RIPOR3: variants seen among roughly 807,000 people sequenced by gnomAD.
The protein encoded by RIPOR3 is RIPOR family member 3, also known as family with sequence similarity 65 member C.
A neutral mutation model predicts 114.3 loss-of-function variants in RIPOR3; 95 were observed. That is an observed-to-expected ratio of 0.83 (90% CI 0.70 to 0.99). RIPOR3 has a LOEUF of 0.99. Ranked by LOEUF, RIPOR3 falls within the 50% of genes least tolerant of loss-of-function variation. RIPOR3 has a pLI of 0.00. For missense variants in RIPOR3, 1,252 were observed against 1,266.9 expected, an observed-to-expected ratio of 0.99 and a Z score of 0.18; for synonymous variants, 575 against 543.8, an observed-to-expected ratio of 1.06 and a Z score of -0.80.
chr20:50,640,419 G>A (rs1426505532), intron 1 of RIPOR3, among the ~76,000 whole-genome samples: 4 of 148,120 alleles, frequency 2.7e-5, no homozygotes, highest in Non-Finnish European at 6.0e-5. Flanking sequence ...GAGAGACCGG[G>A]TGAAGGGCTG....
At chr20:50,677,459 C>T (rs2123578218) in intron 1 of RIPOR3, among the ~76,000 whole-genome samples, 1 of 150,006 alleles carries the variant, frequency 6.7e-6, no homozygotes, top group South Asian at 2.1e-4. Flanking sequence ...GCAACCTCCA[C>T]CTCCCGGGTT....
chr20:50,602,196 C>A lies in RIPOR3; in HGVS notation c.1535G>T (p.Gly512Val). The A allele has an allele frequency of 1.2e-6, 2 of 1,613,624 alleles. No homozygotes were observed. Among genetic ancestry groups the A allele is most frequent in the Non-Finnish European group, 1.7e-6 (2 of 1,179,908 alleles). Residue 512 changes from glycine to valine, a missense_variant, in exon 13 of 22, where the codon GGG (glycine) becomes GTG (valine). Physicochemically the swap from Gly to Val is moderately radical, Grantham distance 109 (BLOSUM62 -3). Transcript: ENST00000327979. This position sits in a 1 kb window ranked among gnomAD's most constrained non-coding sequence, Gnocchi z 4.3. ...AGGCCCCTCGAGGGCCACGCCAGGC[C>A]CGTCCTCTCTGTCCCCGGTTGCCCC... The part of the protein sequence containing the change: ...EEGATGDRED[G>V]PGVALEGPLQ...
At chr20:50,610,945 T>C in intron 5 of RIPOR3, 39 bp from the exon 6 acceptor site, 1 of 1,613,934 alleles carries the variant, frequency 6.2e-7, no homozygotes, top group East Asian at 2.2e-5. Flanking sequence ...CAAAGTTGCC[T>C]GGGCCACCCA....
intron 1 of RIPOR3, 63 bp from the exon 2 acceptor site, chr20:50,630,919 C>T: frequency 7.6e-7 from 1 of 1,321,952 alleles, no homozygotes; most frequent in Non-Finnish European, 1.1e-6. Context: ...GTCCGCAGGC[C>T]AGCCACCTTC....
intron 1 of RIPOR3, among the ~76,000 whole-genome samples, chr20:50,654,327 C>G (rs751542829): frequency 2.7e-5 from 4 of 150,942 alleles, no homozygotes; most frequent in Non-Finnish European, 5.9e-5. Flanking sequence ...CCATCATGCC[C>G]AACTAATTTT....
At chr20:50,635,817 G>A (rs1477100155) in intron 1 of RIPOR3, among the ~76,000 whole-genome samples, 1 of 152,236 alleles carries the variant, frequency 6.6e-6, no homozygotes, top group Admixed American at 6.5e-5. Flanking sequence ...CTGGCTTCGG[G>A]ACTCCGCTGT....
At chr20:50,601,682 C>T (rs779572420) in intron 13 of RIPOR3, among the ~76,000 whole-genome samples, 15 of 152,184 alleles carry the variant, frequency 9.9e-5, no homozygotes, top group Non-Finnish European at 1.8e-4. Context: ...AGGTTCAGTG[C>T]GGGGTGCGTG....
intron 4 of RIPOR3, among the ~76,000 whole-genome samples, chr20:50,613,142 C>G (rs1283153200): frequency 6.6e-6 from 1 of 151,894 alleles, no homozygotes; most frequent in Admixed American, 6.6e-5. Context: ...ACAATTAAAA[C>G]TCCATTTAAG....
At chr20:50,677,367 CTTTTT>C (rs34725648) in intron 1 of RIPOR3, among the ~76,000 whole-genome samples, 1 of 96,774 alleles carries the variant, frequency 1.0e-5, no homozygotes, top group African/African-American at 3.7e-5. Context: ...TCTTGTTTTA[CTTTTT>C]TTTTTTTTTT....
At chr20:50,614,368 C>T (rs116463846) in intron 4 of RIPOR3, among the ~76,000 whole-genome samples, 2,512 of 152,234 alleles carry the variant, frequency 0.017, 71 homozygotes, top group African/African-American at 0.058. Flanking sequence ...AAACTCATCT[C>T]CCCTCCTCGC....
Position 50,587,681 on chromosome 20 carries a change from C to T in RIPOR3, c.2752+121G>A, listed in dbSNP as rs141863568. 2.6e-5 allele frequency: 23 copies of T among 890,650 alleles called. 1 individual carries two copies. The highest frequency in any genetic ancestry group is 1.6e-4 in the East Asian group (6 of 38,162). 55.2% of individuals were successfully genotyped at this position (890,650 alleles called of 1,614,324 possible). A position where few individuals can be genotyped will look rare whatever the true frequency, so the allele number is the denominator to read the frequency against. ...GTCGGCTCTGTGCCAGGGCTGCTAA[C>T]GGTGCCCATCCCAGGTGCCCCAGAG... On this transcript the variant is annotated intron_variant, in intron 21 of 21. Transcript: ENST00000327979.
Position 50,616,058 on chromosome 20 carries a change from C to A in RIPOR3, c.292G>T (p.Ala98Ser), listed in dbSNP as rs1329478598. 1.2e-6 allele frequency: 2 copies of A among 1,612,026 alleles called. No individual in the cohort carries two copies. The highest frequency in any genetic ancestry group is 3.3e-5 in the Admixed American group (2 of 59,710). ...GLKEYLCVQQ[A>S]ELDHLSGRHK... ...CGTCCAGACAGGTGGTCCAGCTCAG[C>A]CTGCTGCACACACAGATACTCCCTG... The change falls in exon 4 of 22, where the codon GCT becomes TCT. Residue 98 changes from alanine (A) to serine (S), a missense_variant. Ala to Ser is a moderately conservative substitution (Grantham distance 99). Transcript: ENST00000327979.
chr20:50,657,539 G>A (rs568365827), intron 1 of RIPOR3, among the ~76,000 whole-genome samples: 1 of 152,108 alleles, frequency 6.6e-6, no homozygotes, highest in East Asian at 1.9e-4. Flanking sequence ...AAAAAAAAGA[G>A]AGAAAGAGAG....
chr20:50,592,759 T>C (rs2083154585), intron 18 of RIPOR3, among the ~76,000 whole-genome samples: 1 of 152,088 alleles, frequency 6.6e-6, no homozygotes, highest in Non-Finnish European at 1.5e-5. Context: ...CTCCATAAAT[T>C]AATAAAACCA....
Position 50,604,658 on chromosome 20 carries a change from T to G in RIPOR3, c.1073A>C (p.Glu358Ala). ...WTPPSTPSFR[E>A]RYYLSVLQQP... ...AGGCTCACTCACCAGGTAGTATCTCTCCCGGAAGCTGGGGGTGCTCGGGGG... is the reference window on the plus strand; with the variant it reads ...AGGCTCACTCACCAGGTAGTATCTCGCCCGGAAGCTGGGGGTGCTCGGGGG... The change falls in exon 12 of 22, where the codon GAG becomes GCG. Residue 358 changes from glutamate to alanine, a missense_variant. Glu to Ala is a moderately radical substitution (Grantham distance 107, BLOSUM62 -1). Coordinates refer to ENST00000327979, the MANE Select transcript of RIPOR3 (RefSeq NM_001290268.2). 6.2e-7 allele frequency: 1 copy of G among 1,607,314 alleles called. No homozygotes were observed. The highest frequency in any genetic ancestry group is 8.5e-7 in the Non-Finnish European group (1 of 1,177,366).
chr20:50,589,084 GAAAAAAAAAAAAA>G (rs529410533), intron 20 of RIPOR3, among the ~76,000 whole-genome samples: 4,138 of 89,702 alleles, frequency 0.046, 151 homozygotes, highest in African/African-American at 0.11. Flanking sequence ...TCCATCTCAA[GAAAAAAAAAAAAA>G]AAAAAAAAAA....
At chr20:50,648,517 G>C (rs1476181003) in intron 1 of RIPOR3, among the ~76,000 whole-genome samples, 1 of 151,746 alleles carries the variant, frequency 6.6e-6, no homozygotes, top group Admixed American at 6.6e-5. Context: ...CACTGACCAG[G>C]GTGGGGGTTG....
At chr20:50,593,011 G>T in intron 18 of RIPOR3, 24 bp downstream of exon 18, 1 of 1,612,532 alleles carries the variant, frequency 6.2e-7, no homozygotes, top group South Asian at 1.1e-5. Context: ...CCTCTGCTAT[G>T]ACAGCCACCC....
chr20:50,691,052 A>T (rs1600795864), intron 1 of RIPOR3, 74 bp downstream of exon 1: 3 of 1,288,614 alleles, frequency 2.3e-6, no homozygotes, highest in Non-Finnish European at 3.0e-6. Flanking sequence ...TCCTCCTGTC[A>T]CCCCCAGCTC....
Sources: gnomAD v4.1 joint callset for allele counts (sites outside exome capture counted in the v4.1 genomes callset) on GRCh38, gnomAD v4.1.1 for gene constraint, Gnocchi (gnomAD v3.1) non-coding constraint, MANE v1.5 for transcripts, NCBI Gene and HGNC (gene_info 2026-07-23, HGNC 2026-07-21) for gene names.